The following LSAMP variants were observed in gnomAD, a reference collection of about 807,000 sequenced individuals.
The protein encoded by LSAMP is limbic system-associated membrane protein.
LSAMP carries 7 observed loss-of-function variants against 38.6 expected under a neutral mutation model. The observed-to-expected ratio is 0.18, with a 90% CI of 0.10 to 0.34. The LOEUF (loss-of-function observed/expected upper bound fraction) is 0.34. Among genes scored for constraint, LSAMP ranks in the 10% least tolerant of loss-of-function variants. The probability of loss-of-function intolerance (pLI) is 1.00; values close to 1 mark genes in which losing one functional copy is unlikely to be tolerated. For synonymous variants in LSAMP, 154 were observed against 166.8 expected (o/e 0.92, Z 0.59); for missense variants, 313 against 420.0 (o/e 0.75, Z 2.23).
intron 1 of LSAMP, among the ~76,000 whole-genome samples, chr3:116,148,917 T>C (rs1026938483): frequency 1.3e-5 from 2 of 151,960 alleles, no homozygotes; most frequent in African/African-American, 4.8e-5. Flanking sequence ...CAGAAGTCAA[T>C]AGAGAAAATG....
chr3:116,150,014 TAAC>T (rs1709576516), intron 1 of LSAMP, among the ~76,000 whole-genome samples: 1 of 152,042 alleles, frequency 6.6e-6, no homozygotes, highest in Non-Finnish European at 1.5e-5. Context: ...TGACTGCAAA[TAAC>T]AAGTTCAATT....
chr3:116,310,936 A>G (rs1458170320), intron 1 of LSAMP, among the ~76,000 whole-genome samples: 1 of 149,046 alleles, frequency 6.7e-6, no homozygotes, highest in Non-Finnish European at 1.5e-5. Flanking sequence ...TTTTTAAATC[A>G]TGGATATGAA....
intron 1 of LSAMP, among the ~76,000 whole-genome samples, chr3:116,133,387 C>G (rs1224559876): frequency 6.6e-6 from 1 of 151,958 alleles, no homozygotes; most frequent in Admixed American, 6.6e-5. Context: ...ATCTCCTGGG[C>G]TCCAGTGATC....
chr3:115,877,382 A>G (rs2107417464), intron 3 of LSAMP, among the ~76,000 whole-genome samples: 1 of 152,274 alleles, frequency 6.6e-6, no homozygotes. Context: ...TATCTTAAAT[A>G]TACTGTTGTA....
intron 6 of LSAMP, among the ~76,000 whole-genome samples, chr3:115,815,559 G>A (rs1933991566): frequency 6.6e-6 from 1 of 152,088 alleles, no homozygotes; most frequent in African/African-American, 2.4e-5. Context: ...CAAGTATTTT[G>A]GCATACAAGT....
chr3:116,103,734 C>T (rs113021577), intron 1 of LSAMP, among the ~76,000 whole-genome samples: 275 of 151,988 alleles, frequency 1.8e-3, no homozygotes, highest in African/African-American at 6.1e-3. Context: ...TCACACGATG[C>T]TTCACATTAA....
chr3:115,874,612 C>T (rs1330809803), intron 3 of LSAMP, among the ~76,000 whole-genome samples: 2 of 152,062 alleles, frequency 1.3e-5, no homozygotes, highest in East Asian at 1.9e-4. Flanking sequence ...GTGCCTATTA[C>T]AGGCCAGACC....
At chr3:115,845,230 C>T (rs1935116383) in intron 4 of LSAMP, among the ~76,000 whole-genome samples, 1 of 152,176 alleles carries the variant, frequency 6.6e-6, no homozygotes, top group African/African-American at 2.4e-5. Flanking sequence ...GTCCTCATTT[C>T]TTCTCACTGT....
At chr3:116,146,042 A>C (rs575770165) in intron 1 of LSAMP, among the ~76,000 whole-genome samples, 29 of 152,016 alleles carry the variant, frequency 1.9e-4, no homozygotes, top group African/African-American at 6.7e-4. Flanking sequence ...AATTTCACAC[A>C]AGAATTTTTT....
chr3:115,818,163 A>G (rs1934091344), intron 6 of LSAMP, among the ~76,000 whole-genome samples: 1 of 152,198 alleles, frequency 6.6e-6, no homozygotes, highest in Non-Finnish European at 1.5e-5. Context: ...CAATGCCTGT[A>G]TGACTCAAGA....
intron 1 of LSAMP, among the ~76,000 whole-genome samples, chr3:116,352,743 C>A (rs1339343261): frequency 6.6e-6 from 1 of 151,978 alleles, no homozygotes; most frequent in Non-Finnish European, 1.5e-5. Flanking sequence ...ATATATCAAT[C>A]ACTTTCTTTA....
chr3:116,328,973 T>C (rs935060337), intron 1 of LSAMP, among the ~76,000 whole-genome samples: 3 of 152,112 alleles, frequency 2.0e-5, no homozygotes, highest in Admixed American at 2.0e-4. Context: ...GGTATAGAAT[T>C]TCATTGTCAT....
chr3:115,963,894 C>G (rs186145836), intron 3 of LSAMP, among the ~76,000 whole-genome samples: 2 of 152,078 alleles, frequency 1.3e-5, no homozygotes, highest in African/African-American at 4.8e-5. Flanking sequence ...GCTGGGACCA[C>G]GGGCTCACAC....
At chr3:116,415,903 C>T (rs918944951) in intron 1 of LSAMP, among the ~76,000 whole-genome samples, 1 of 151,954 alleles carries the variant, frequency 6.6e-6, no homozygotes, top group African/African-American at 2.4e-5. Context: ...AGAAGCTGGG[C>T]TAGTGAAAAT....
chr3:116,248,751 C>A (rs958703306), intron 1 of LSAMP, among the ~76,000 whole-genome samples: 1 of 152,028 alleles, frequency 6.6e-6, no homozygotes, highest in Non-Finnish European at 1.5e-5. Flanking sequence ...AGAAGCCAGG[C>A]CAAGGATGCC....
chr3:115,965,005 G>A (rs1938751994), intron 3 of LSAMP, among the ~76,000 whole-genome samples: 1 of 151,998 alleles, frequency 6.6e-6, no homozygotes. Context: ...TTAAATTACT[G>A]TTGAACTTGA....
At chr3:116,201,950 C>T (rs1286240935) in intron 1 of LSAMP, among the ~76,000 whole-genome samples, 1 of 152,130 alleles carries the variant, frequency 6.6e-6, no homozygotes, top group Non-Finnish European at 1.5e-5. Context: ...AACATTTCCT[C>T]CTCAGCCAAC....
rs2049488018 is a variant in LSAMP at position 116,444,882 on chromosome 3, G to A, written c.150C>T (p.Ile50=). The change falls in exon 1 of 7, where the codon ATC becomes ATT. Residue 50 remains isoleucine, a synonymous_variant. Transcript: ENST00000490035. ...AAGTTGCCCGAAAGCCCTACCTGAG[G>A]ATGGCTGTGTCCCCCTGCCTCACGG... The part of the protein sequence containing the change: ...NITVRQGDTA[I]LRCVVEDKNS... 1 of 1,613,886 alleles carries A rather than the reference G, an allele frequency of 6.2e-7. No homozygotes were observed. Among genetic ancestry groups the A allele is most frequent in the Non-Finnish European group, 8.5e-7 (1 of 1,180,030 alleles).
chr3:116,424,146 T>C (rs114358817), intron 1 of LSAMP, among the ~76,000 whole-genome samples: 774 of 152,332 alleles, frequency 5.1e-3, no homozygotes, highest in Admixed American at 0.01. Flanking sequence ...ATTTCCACTG[T>C]GTGTAGTGGG....
Sources: gnomAD v4.1 joint callset for allele counts (sites outside exome capture counted in the v4.1 genomes callset) on GRCh38, gnomAD v4.1.1 for gene constraint, MANE v1.5 for transcripts, NCBI Gene and HGNC (gene_info 2026-07-23, HGNC 2026-07-21) for gene names.